Variants in CHD6 observed in about 807,000 individuals in gnomAD.
CHD6 encodes chromodomain helicase DNA binding protein 6.
CHD6 carries 50 observed loss-of-function variants against 276.9 expected under a neutral mutation model. The observed-to-expected ratio is 0.18, with a 90% CI of 0.14 to 0.23. CHD6 has a LOEUF of 0.23. Ranked by LOEUF, CHD6 falls within the 10% of genes least tolerant of loss-of-function variation. The probability of loss-of-function intolerance (pLI) is 1.00; values close to 1 mark genes in which losing one functional copy is unlikely to be tolerated. For missense variants in CHD6, 2,564 were observed against 3,365.8 expected (o/e 0.76, Z 5.89); for synonymous variants, 1,173 against 1,229.3 (o/e 0.95, Z 0.96).
At chr20:41,474,151 G>GGT (rs2043120017) in intron 16 of CHD6, among the ~76,000 whole-genome samples, 1 of 152,066 alleles carries the variant, frequency 6.6e-6, no homozygotes, top group African/African-American at 2.4e-5. Context: ...AGGTTTTTGA[G>GGT]GTGTGTGTGT....
rs775190670 is a variant in CHD6, at chr20:41,514,856, C to T, written c.651G>A (p.Thr217=). The T allele has an allele frequency of 4.1e-5, 66 of 1,614,032 alleles. No individual in the cohort carries two copies. Among genetic ancestry groups the T allele is most frequent in the Non-Finnish European group, 5.3e-5 (63 of 1,179,964 alleles). The part of the protein sequence containing the change: ...VESLELDQGL[T]NPSLRSPEES... Reference sequence around the variant, plus strand: ...CCTCAGGACTCCGCAGAGATGGGTTCGTCAGGCCCTGATCCAGCTCTAAAC... The same window carrying T: ...CCTCAGGACTCCGCAGAGATGGGTTTGTCAGGCCCTGATCCAGCTCTAAAC... The change falls in exon 4 of 37, where the codon ACG becomes ACA. Residue 217 remains threonine, a synonymous_variant. Transcript: ENST00000373233.
intron 1 of CHD6, chr20:41,564,014 TA>T (rs1172707760): frequency 1.3e-6 from 1 of 776,226 alleles, no homozygotes; most frequent in Admixed American, 1.7e-5. Context: ...GCAGTACCTG[TA>T]GACTTGGGAG....
chr20:41,442,273 C>T (rs1324915380), intron 25 of CHD6, among the ~76,000 whole-genome samples: 1 of 151,556 alleles, frequency 6.6e-6, no homozygotes, highest in Non-Finnish European at 1.5e-5. Flanking sequence ...TATGAGATCC[C>T]CTCTCTACAA....
chr20:41,464,163 C>T (rs778473474), intron 17 of CHD6, among the ~76,000 whole-genome samples: 20 of 152,230 alleles, frequency 1.3e-4, no homozygotes, highest in Non-Finnish European at 2.4e-4. Flanking sequence ...GAAATACAGA[C>T]CCTTGAAATA....
chr20:41,521,846 G>A (rs1267467649), intron 3 of CHD6, among the ~76,000 whole-genome samples: 1 of 152,204 alleles, frequency 6.6e-6, no homozygotes, highest in Admixed American at 6.5e-5. Context: ...TGACAAATAA[G>A]TTAGCTTGAA....
At chr20:41,571,112 C>T (rs1005716231) in intron 1 of CHD6, among the ~76,000 whole-genome samples, 1 of 152,048 alleles carries the variant, frequency 6.6e-6, no homozygotes, top group African/African-American at 2.4e-5. Context: ...GATTCCAAAT[C>T]TCTTAGTGAA....
chr20:41,608,793 A>C (rs1256165821), intron 1 of CHD6, among the ~76,000 whole-genome samples: 1 of 152,192 alleles, frequency 6.6e-6, no homozygotes, highest in East Asian at 1.9e-4. Flanking sequence ...GACCTGTGTA[A>C]GACCCGATAA....
chr20:41,487,950 T>A, intron 13 of CHD6, 142 bp from the exon 14 acceptor site: 1 of 773,028 alleles, frequency 1.3e-6, no homozygotes. Context: ...TATGCCATCA[T>A]AGGGGTACAG....
chr20:41,565,942 T>C (rs1451692676), intron 1 of CHD6, among the ~76,000 whole-genome samples: 3 of 152,126 alleles, frequency 2.0e-5, no homozygotes, highest in Admixed American at 6.5e-5. Flanking sequence ...CCTGGGAGAC[T>C]GGGAAGATGA....
chr20:41,441,340 T>G (rs2047894724), intron 25 of CHD6, among the ~76,000 whole-genome samples: 1 of 152,132 alleles, frequency 6.6e-6, no homozygotes, highest in Non-Finnish European at 1.5e-5. Flanking sequence ...CAATCACTGT[T>G]GTAGGAAGAA....
At chr20:41,523,460 G>C (rs2044452285) in intron 3 of CHD6, among the ~76,000 whole-genome samples, 1 of 152,046 alleles carries the variant, frequency 6.6e-6, no homozygotes, top group African/African-American at 2.4e-5. Context: ...CCACTTTAAA[G>C]AAAGTACCTA....
intron 17 of CHD6, among the ~76,000 whole-genome samples, chr20:41,472,336 C>T (rs2145778526): frequency 6.6e-6 from 1 of 152,228 alleles, no homozygotes; most frequent in South Asian, 2.1e-4. Context: ...GCTTAGTGCC[C>T]TCTTCCCTGC....
intron 12 of CHD6, among the ~76,000 whole-genome samples, chr20:41,489,221 C>T (rs530912695): frequency 1.3e-5 from 2 of 152,290 alleles, no homozygotes; most frequent in African/African-American, 4.8e-5. Context: ...ACTGGCTTTC[C>T]TCTGATTGAA....
intron 2 of CHD6, among the ~76,000 whole-genome samples, chr20:41,549,413 T>A (rs904917139): frequency 3.5e-4 from 51 of 145,456 alleles, no homozygotes; most frequent in African/African-American, 1.2e-3. Context: ...AAACACTGCA[T>A]GTTCTCACTC....
At chr20:41,438,394 A>C (rs1278750472) in intron 26 of CHD6, among the ~76,000 whole-genome samples, 1 of 152,118 alleles carries the variant, frequency 6.6e-6, no homozygotes, top group African/African-American at 2.4e-5. Context: ...GTTCGAGACC[A>C]GCCTGGCCAA....
At chr20:41,516,799 G>A (rs2044263021) in intron 3 of CHD6, among the ~76,000 whole-genome samples, 1 of 152,166 alleles carries the variant, frequency 6.6e-6, no homozygotes, top group Admixed American at 6.5e-5. Flanking sequence ...GCAGGTCCAG[G>A]AAAGAGGGAA....
chr20:41,454,604 A>C, intron 20 of CHD6, 22 bp downstream of exon 20: 1 of 1,546,890 alleles, frequency 6.5e-7, no homozygotes, highest in South Asian at 1.1e-5. Context: ...GTTCCATGGA[A>C]TAAAATATTA....
At chr20:41,573,130 C>T (rs1361801057) in intron 1 of CHD6, among the ~76,000 whole-genome samples, 9 of 152,078 alleles carry the variant, frequency 5.9e-5, no homozygotes, top group African/African-American at 1.9e-4. Context: ...AGGATGGTCT[C>T]GATTTCCTGA....
Position 41,489,852 on chromosome 20 carries a change from C to T in CHD6, c.1606G>A (p.Ala536Thr), listed in dbSNP as rs758532201. 1 of 1,613,968 alleles carries T rather than the reference C, an allele frequency of 6.2e-7. No homozygotes were observed. Among genetic ancestry groups the T allele is most frequent in the East Asian group, 2.2e-5 (1 of 44,842 alleles). Residue 536 changes from alanine to threonine, a missense_variant, in exon 12 of 37, where the codon GCC (alanine) becomes ACC (threonine). Ala to Thr is a moderately conservative substitution (Grantham distance 58, BLOSUM62 0). Transcript: ENST00000373233. The stretch of plus-strand genomic sequence containing the variant: ...ATCTGGCTGCCGTGGTACACAATGG[C>T]ATTCATCTCTGTCCATGTCCGGAAC... The part of the protein sequence containing the change: ...REFRTWTEMN[A>T]IVYHGSQISR...
Sources: gnomAD v4.1 joint callset for allele counts (sites outside exome capture counted in the v4.1 genomes callset) on GRCh38, gnomAD v4.1.1 for gene constraint, MANE v1.5 for transcripts, NCBI Gene and HGNC (gene_info 2026-07-23, HGNC 2026-07-21) for gene names.